Variants in CDIN1 observed in about 807,000 individuals in gnomAD.
The protein encoded by CDIN1 is CDAN1-interacting nuclease 1.
CDIN1 carries 33 observed loss-of-function variants against 45.3 expected under a neutral mutation model. That is an observed-to-expected ratio of 0.73 (90% confidence interval 0.55 to 0.97). The LOEUF (loss-of-function observed/expected upper bound fraction) is 0.97, where lower values mean the gene tolerates loss of function less well. Ranked by LOEUF, CDIN1 falls within the 50% of genes least tolerant of loss-of-function variation. The pLI is 0.00. For missense variants in CDIN1, 303 were observed against 339.4 expected (o/e 0.89, Z 0.84); for synonymous variants, 118 against 124.4 (o/e 0.95, Z 0.34).
At chr15:36,691,166 A>G (rs2042236820) in intron 5 of CDIN1, 1 of 518,470 alleles carries the variant, frequency 1.9e-6, no homozygotes, top group African/African-American at 1.9e-5. Flanking sequence ...AGTTGATGAG[A>G]ATTATTTTGG....
chr15:36,808,270 T>C, intron 10 of CDIN1, 54 bp from the exon 11 acceptor site: 2 of 1,593,752 alleles, frequency 1.3e-6, no homozygotes, highest in Non-Finnish European at 1.7e-6. Flanking sequence ...GGTGACTTTT[T>C]TCAAGAGCTC....
intron 10 of CDIN1, among the ~76,000 whole-genome samples, chr15:36,731,228 T>G (rs887312161): frequency 1.3e-5 from 2 of 152,124 alleles, no homozygotes; most frequent in African/African-American, 2.4e-5. Flanking sequence ...ACAAAATGCC[T>G]CATTTATCAC....
intron 1 of CDIN1, among the ~76,000 whole-genome samples, chr15:36,594,498 T>C (rs979787511): frequency 6.6e-6 from 1 of 152,198 alleles, no homozygotes; most frequent in African/African-American, 2.4e-5. Context: ...ATTTTATTCA[T>C]GTGATAGCTT....
In CDIN1 at chr15:36,683,964, G is replaced by A. The variant is rs981775679; in HGVS notation, c.347-7721G>A. Among the ~76,000 whole-genome samples, 499 of 140,584 alleles carry A rather than the reference G, an allele frequency of 3.5e-3. 4 individuals are homozygous for A. Among genetic ancestry groups the A allele is most frequent in the South Asian group, 9.1e-3 (40 of 4,404 alleles). The allele number at this position is 140,584 out of a possible 152,430, so 92.2% of individuals were successfully genotyped here. ...TGCTGAAGTTGCTTATGAGCTTAAG[G>A]AGATTTTGGGCTGAGACAATGGAGT... On this transcript the variant is annotated intron_variant, in intron 5 of 10. Coordinates refer to ENST00000566621, the MANE Select transcript of CDIN1 (RefSeq NM_001321759.2).
Position 36,579,963 on chromosome 15 carries a change from T to C in CDIN1, c.101+2T>C, listed in dbSNP as rs1425370402. 7 of 1,611,676 alleles carry C rather than the reference T, an allele frequency of 4.3e-6. No individual in the cohort carries two copies. The highest frequency in any genetic ancestry group is 1.1e-5 in the South Asian group (1 of 90,462). ...GAAGCTGAAGCAGAGGTTTCCCAGG[T>C]AAGTGTCCATCTCTCCCCTCTCACA... On this transcript the variant is annotated splice_donor_variant, in intron 1 of 10. Coordinates refer to ENST00000566621, the MANE Select transcript of CDIN1 (RefSeq NM_001321759.2). LOFTEE classifies it high-confidence loss of function.
chr15:36,759,227 T>G (rs2140992650), intron 10 of CDIN1, among the ~76,000 whole-genome samples: 1 of 152,158 alleles, frequency 6.6e-6, no homozygotes, highest in Non-Finnish European at 1.5e-5. Context: ...GAGAGGCGCC[T>G]CTTCTTGTCT....
intron 5 of CDIN1, among the ~76,000 whole-genome samples, chr15:36,680,716 A>G (rs1400119236): frequency 6.6e-6 from 1 of 151,580 alleles, no homozygotes; most frequent in Non-Finnish European, 1.5e-5. Context: ...GACTAGAAAA[A>G]CTCTACTTTC....
At chr15:36,767,538 T>C (rs1045216402) in intron 10 of CDIN1, among the ~76,000 whole-genome samples, 1 of 152,220 alleles carries the variant, frequency 6.6e-6, no homozygotes, top group Admixed American at 6.5e-5. Flanking sequence ...TTTATAAATG[T>C]ATTAGTCACT....
chr15:36,798,009 AGT>A (rs1425839438), intron 10 of CDIN1, among the ~76,000 whole-genome samples: 5 of 137,492 alleles, frequency 3.6e-5, no homozygotes, highest in African/African-American at 1.4e-4. Context: ...TTCATTATAT[AGT>A]AGAGAGTTAT....
chr15:36,790,552 G>C (rs11073200), intron 10 of CDIN1, among the ~76,000 whole-genome samples: 6 of 151,782 alleles, frequency 4.0e-5, no homozygotes, highest in Non-Finnish European at 7.4e-5. Flanking sequence ...CACATAGAAA[G>C]AAATACTTGA....
rs2140489320 is a variant in CDIN1 at position 36,662,445 on chromosome 15, ATG to A, written c.346+4541_346+4542del. On this transcript the variant is annotated intron_variant, in intron 5 of 10. Transcript: ENST00000566621. ...AAACTGGTTTATACCTTTTGCCAGT[ATG>A]CTAGGCCATCAAAAGATGGTACAAT... 2.1e-5 allele frequency among the ~76,000 whole-genome samples: 3 copies of A among 140,554 alleles called. No homozygotes were observed. In the South Asian group the frequency reaches 7.0e-4, roughly 33 times the overall value. 92.2% of individuals were successfully genotyped at this position (140,554 alleles called of 152,430 possible).
At chr15:36,644,846 G>C (rs1343249766) in intron 2 of CDIN1, among the ~76,000 whole-genome samples, 3 of 152,190 alleles carry the variant, frequency 2.0e-5, no homozygotes, top group South Asian at 4.1e-4. Flanking sequence ...TGTAAAACTA[G>C]AGTGCAGAGG....
At chr15:36,731,120 A>G (rs2043818441) in intron 10 of CDIN1, among the ~76,000 whole-genome samples, 1 of 152,128 alleles carries the variant, frequency 6.6e-6, no homozygotes, top group Admixed American at 6.5e-5. Flanking sequence ...ACATGTGTCA[A>G]AGTTGAAAAT....
intron 5 of CDIN1, among the ~76,000 whole-genome samples, chr15:36,686,608 G>A (rs746390031): frequency 1.3e-4 from 19 of 150,940 alleles, no homozygotes; most frequent in African/African-American, 2.2e-4. Flanking sequence ...GGCCAGGCAC[G>A]GTAGCTCATG....
At chr15:36,656,827 C>G (rs1013476846) in intron 4 of CDIN1, among the ~76,000 whole-genome samples, 27 of 152,176 alleles carry the variant, frequency 1.8e-4, no homozygotes, top group African/African-American at 5.8e-4. Context: ...ATGAAGCCAG[C>G]CTTTTTGTCT....
chr15:36,607,208 A>T (rs2038418268), intron 1 of CDIN1, among the ~76,000 whole-genome samples: 1 of 152,192 alleles, frequency 6.6e-6, no homozygotes, highest in Non-Finnish European at 1.5e-5. Context: ...TTCCAGTCTT[A>T]TAATATCTTA....
chr15:36,614,293 G>A (rs574613984), intron 1 of CDIN1: 3 of 582,346 alleles, frequency 5.2e-6, no homozygotes, highest in Admixed American at 3.8e-5. Context: ...ACTGAGGGCC[G>A]ATCTTTAACT....
intron 1 of CDIN1, among the ~76,000 whole-genome samples, chr15:36,639,443 A>G (rs1156409236): frequency 6.6e-6 from 1 of 152,158 alleles, no homozygotes; most frequent in Non-Finnish European, 1.5e-5. Context: ...TGTCTCTACT[A>G]AAAATACAAA....
intron 1 of CDIN1, among the ~76,000 whole-genome samples, chr15:36,587,922 C>T (rs1270547400): frequency 1.3e-5 from 2 of 151,986 alleles, no homozygotes; most frequent in Non-Finnish European, 2.9e-5. Context: ...GCTGTGGTGA[C>T]GGTGAAGTGA....
Sources: allele counts gnomAD v4.1 joint callset (sites outside exome capture counted in the v4.1 genomes callset), GRCh38; gene constraint gnomAD v4.1.1; transcripts MANE v1.5; gene names NCBI Gene and HGNC (gene_info 2026-07-23, HGNC 2026-07-21).